The following NRXN1 variants were observed in gnomAD, a reference collection of about 807,000 sequenced individuals.
The protein encoded by NRXN1 is neurexin-1.
Under a neutral mutation model 150.9 loss-of-function variants are expected in NRXN1, and 39 were observed. That is an observed-to-expected ratio of 0.26 (90% CI 0.20 to 0.34). NRXN1 has a LOEUF of 0.34. Among genes scored for constraint, NRXN1 ranks in the 10% least tolerant of loss-of-function variants. NRXN1 has a pLI of 1.00. For missense variants in NRXN1, 1,815 were observed against 1,949.9 expected, an observed-to-expected ratio of 0.93 and a Z score of 1.30; for synonymous variants, 924 against 757.0, an observed-to-expected ratio of 1.22 and a Z score of -3.62.
intron 17 of NRXN1, among the ~76,000 whole-genome samples, chr2:50,249,799 G>A (rs2066871716): frequency 6.6e-6 from 1 of 151,916 alleles, no homozygotes; most frequent in African/African-American, 2.4e-5. Flanking sequence ...CACTATGGCT[G>A]TCAAATTTTT....
intron 17 of NRXN1, among the ~76,000 whole-genome samples, chr2:50,406,209 CT>C (rs1408661123): frequency 6.6e-6 from 1 of 151,728 alleles, no homozygotes; most frequent in Non-Finnish European, 1.5e-5. Context: ...GGTTTCACAC[CT>C]ATTGGGAGAA....
intron 15 of NRXN1, among the ~76,000 whole-genome samples, chr2:50,483,059 A>G (rs2090598211): frequency 1.3e-5 from 2 of 150,506 alleles, no homozygotes; most frequent in African/African-American, 4.9e-5. Context: ...TCAAAAAAAA[A>G]AAAAAAAAAA....
intron 18 of NRXN1, among the ~76,000 whole-genome samples, chr2:50,097,937 C>A (rs1700461390): frequency 6.6e-6 from 1 of 152,094 alleles, no homozygotes; most frequent in South Asian, 2.1e-4. Flanking sequence ...CTGCCCCCAG[C>A]CACCCAAATA....
chr2:50,460,435 A>G (rs80226559), intron 17 of NRXN1, among the ~76,000 whole-genome samples: 1 of 152,210 alleles, frequency 6.6e-6, no homozygotes, highest in Non-Finnish European at 1.5e-5. Context: ...AGATAATTCA[A>G]ATACAGCATT....
rs189299366 is a variant in NRXN1, at chr2:50,473,033, A to G, written c.3071-562T>C. Among the ~76,000 whole-genome samples, 20 of 152,010 alleles carry G rather than the reference A, an allele frequency of 1.3e-4. No homozygotes were observed. In the East Asian group the frequency reaches 3.9e-3, roughly 29 times the overall value. ...CTGCTTAGAGATCTCTGTGTCTTCC[A>G]TTTCATCAGAAGTTCAGTAAATTTC... On this transcript the variant is annotated intron_variant, in intron 15 of 22. Coordinates refer to ENST00000401669, the MANE Select transcript of NRXN1 (RefSeq NM_001330078.2).
intron 17 of NRXN1, among the ~76,000 whole-genome samples, chr2:50,452,952 A>G (rs1237238214): frequency 6.6e-6 from 1 of 152,228 alleles, no homozygotes; most frequent in Non-Finnish European, 1.5e-5. Flanking sequence ...GAACTTTTCA[A>G]ACATTTTCAA....
At chr2:49,937,272 C>A (rs771640035) in intron 22 of NRXN1, among the ~76,000 whole-genome samples, 5 of 152,186 alleles carry the variant, frequency 3.3e-5, no homozygotes, top group Non-Finnish European at 7.3e-5. Flanking sequence ...TCCATCCCAG[C>A]ACTTAAATAC....
rs1434678152 is a variant in NRXN1, at chr2:50,550,838, G to A, written c.1759+1749C>T. Among the ~76,000 whole-genome samples, 4 of 151,352 alleles carry A rather than the reference G, an allele frequency of 2.6e-5. 1 individual carries two copies. Among genetic ancestry groups the A allele is most frequent in the Non-Finnish European group, 5.9e-5 (4 of 67,888 alleles). Reference sequence around the variant, plus strand: ...CTGGGACTACAGGCACCGCCACCACGCCCGACTAATTTTTTTGTATTTTTA... The same window carrying A: ...CTGGGACTACAGGCACCGCCACCACACCCGACTAATTTTTTTGTATTTTTA... On this transcript the variant is annotated intron_variant, in intron 9 of 22. Transcript: ENST00000401669.
intron 17 of NRXN1, among the ~76,000 whole-genome samples, chr2:50,374,164 G>C (rs2080316005): frequency 6.6e-6 from 1 of 151,764 alleles, no homozygotes; most frequent in Non-Finnish European, 1.5e-5. Flanking sequence ...GGCTGTAGTG[G>C]GGGCACACCT....
intron 17 of NRXN1, among the ~76,000 whole-genome samples, chr2:50,248,987 C>T (rs1409498619): frequency 7.4e-6 from 1 of 134,436 alleles, no homozygotes; most frequent in Admixed American, 7.5e-5. Flanking sequence ...TCTTTACAAA[C>T]TTTTTTTTTT....
chr2:50,425,899 A>G (rs1558709870), intron 17 of NRXN1, among the ~76,000 whole-genome samples: 1 of 152,140 alleles, frequency 6.6e-6, no homozygotes, highest in Non-Finnish European at 1.5e-5. Flanking sequence ...GTATTCTTCA[A>G]AAACAGAAAA....
At chr2:50,488,639 T>C (rs1285035094) in intron 15 of NRXN1, among the ~76,000 whole-genome samples, 1 of 152,202 alleles carries the variant, frequency 6.6e-6, no homozygotes, top group African/African-American at 2.4e-5. Context: ...TGCTACATCC[T>C]GTCTCCCTGT....
chr2:50,930,117 T>C (rs1313428001), intron 2 of NRXN1, among the ~76,000 whole-genome samples: 4 of 152,072 alleles, frequency 2.6e-5, no homozygotes, highest in African/African-American at 9.7e-5. Context: ...CCCAGCTAAA[T>C]AATATTGCAG....
At chr2:50,197,486 G>A (rs1489631564) in intron 18 of NRXN1, among the ~76,000 whole-genome samples, 1 of 152,090 alleles carries the variant, frequency 6.6e-6, no homozygotes, top group African/African-American at 2.4e-5. Context: ...ATGTAATGAC[G>A]TTTTTGATGT....
chr2:50,681,084 C>T (rs1035671841), intron 5 of NRXN1, among the ~76,000 whole-genome samples: 12 of 152,150 alleles, frequency 7.9e-5, no homozygotes, highest in Non-Finnish European at 7.4e-5. Context: ...ACAGCCAAGA[C>T]ATTAAAAAAC....
chr2:49,933,602 T>C (rs906973593), intron 22 of NRXN1, among the ~76,000 whole-genome samples: 1 of 132,448 alleles, frequency 7.6e-6, no homozygotes, highest in African/African-American at 2.9e-5. Flanking sequence ...CAGTTCATTA[T>C]CCTCTGCTAA....
chr2:50,029,503 G>C (rs553785539), intron 21 of NRXN1, among the ~76,000 whole-genome samples: 49 of 152,206 alleles, frequency 3.2e-4, no homozygotes, highest in African/African-American at 1.1e-3. Context: ...AACAGGACTG[G>C]TGGCCTTATA....
intron 5 of NRXN1, among the ~76,000 whole-genome samples, chr2:50,866,086 TTTAA>T (rs932017213): frequency 3.3e-5 from 5 of 151,872 alleles, no homozygotes; most frequent in Admixed American, 2.6e-4. Context: ...TGGCTCTTTA[TTTAA>T]TTATGTTTCT....
chr2:50,167,004 G>T (rs1275074930), intron 18 of NRXN1, among the ~76,000 whole-genome samples: 1 of 152,162 alleles, frequency 6.6e-6, no homozygotes, highest in East Asian at 1.9e-4. Flanking sequence ...CTCATAGGCT[G>T]ATGGCATGTA....
Sources: allele counts gnomAD v4.1 joint callset (sites outside exome capture counted in the v4.1 genomes callset), GRCh38; gene constraint gnomAD v4.1.1; transcripts MANE v1.5; gene names NCBI Gene and HGNC (gene_info 2026-07-23, HGNC 2026-07-21).